HACE1: variants seen among roughly 807,000 people sequenced by gnomAD.
HACE1 encodes the protein HECT domain and ankyrin repeat containing E3 ubiquitin protein ligase 1.
Under a neutral mutation model 118.4 loss-of-function variants are expected in HACE1, and 73 were observed. The observed-to-expected ratio is 0.62, with a 90% confidence interval of 0.51 to 0.75. The LOEUF is 0.75. Among genes scored for constraint, HACE1 ranks in the 30% least tolerant of loss-of-function variants. The pLI, the probability that HACE1 is intolerant of heterozygous loss-of-function variation, is 0.00. For synonymous variants in HACE1, 368 were observed against 374.8 expected, an observed-to-expected ratio of 0.98 and a Z score of 0.21; for missense variants, 749 against 1,102.2, an observed-to-expected ratio of 0.68 and a Z score of 4.54.
In HACE1 at chr6:104,849,208, T is replaced by TTC; in HGVS notation, c.258_259dup (p.Lys87ArgfsTer29). 6.2e-7 allele frequency: 1 copy of TTC among 1,611,196 alleles called. No individual in the cohort carries two copies. Among genetic ancestry groups the TTC allele is most frequent in the Non-Finnish European group, 8.5e-7 (1 of 1,177,344 alleles). On this transcript the variant is annotated frameshift_variant, in exon 4 of 24. Transcript: ENST00000262903. LOFTEE classifies it high-confidence loss of function. ...ATCTTGATAGTTAGGATTTGCTCCTTTCTTTAACAGCAAAACCAAGCATTC... is the reference window on the plus strand; with the variant it reads ...ATCTTGATAGTTAGGATTTGCTCCTTTCTCTTTAACAGCAAAACCAAGCATTC...
At chr6:104,745,533 C>T (rs908197686) in intron 20 of HACE1, among the ~76,000 whole-genome samples, 1 of 147,980 alleles carries the variant, frequency 6.8e-6, no homozygotes, top group Non-Finnish European at 1.5e-5. Context: ...CTCCACCTCC[C>T]GGGTTCACGC....
At chr6:104,765,777 C>T (rs1184580105) in intron 19 of HACE1, among the ~76,000 whole-genome samples, 1 of 152,192 alleles carries the variant, frequency 6.6e-6, no homozygotes, top group Non-Finnish European at 1.5e-5. Context: ...TTTAAATACA[C>T]AATTGAGATC....
intron 19 of HACE1, among the ~76,000 whole-genome samples, chr6:104,762,947 G>A (rs1012219234): frequency 1.8e-4 from 24 of 133,752 alleles, no homozygotes; most frequent in Non-Finnish European, 3.2e-4. Flanking sequence ...CTGAGATCGC[G>A]CCACTGAACT....
intron 1 of HACE1, chr6:104,858,623 C>CA: frequency 4.6e-6 from 1 of 219,272 alleles, no homozygotes; most frequent in South Asian, 4.8e-5. Flanking sequence ...CCCTATCCTA[C>CA]AAACCACCCA....
intron 22 of HACE1, among the ~76,000 whole-genome samples, chr6:104,739,166 G>A (rs181288658): frequency 1.6e-4 from 24 of 152,238 alleles, no homozygotes; most frequent in African/African-American, 5.3e-4. Flanking sequence ...CCTGAAGGAA[G>A]CGCTAAACAT....
chr6:104,844,314 C>T (rs564447798), intron 4 of HACE1, among the ~76,000 whole-genome samples: 21 of 150,292 alleles, frequency 1.4e-4, no homozygotes, highest in East Asian at 5.9e-4. Flanking sequence ...GGATTACAGG[C>T]GTGAGTCACC....
intron 11 of HACE1, 76 bp downstream of exon 11, chr6:104,791,428 G>C: frequency 1.5e-6 from 2 of 1,309,756 alleles, no homozygotes; most frequent in Non-Finnish European, 2.2e-6. Context: ...TGAGCTTTCT[G>C]ATTAATGAAT....
intron 4 of HACE1, among the ~76,000 whole-genome samples, chr6:104,846,022 G>T (rs189500910): frequency 6.6e-6 from 1 of 152,300 alleles, no homozygotes; most frequent in East Asian, 1.9e-4. Context: ...TAAATCATTA[G>T]GTAGGAATGA....
intron 9 of HACE1, among the ~76,000 whole-genome samples, 155 bp downstream of exon 9, chr6:104,796,500 T>C (rs1412813149): frequency 6.6e-6 from 1 of 152,216 alleles, no homozygotes; most frequent in Non-Finnish European, 1.5e-5. Context: ...AATTATTATC[T>C]AATTCACACT....
chr6:104,729,983 T>G (rs147547875), intron 23 of HACE1, among the ~76,000 whole-genome samples: 44 of 152,270 alleles, frequency 2.9e-4, no homozygotes, highest in African/African-American at 1.1e-3. Flanking sequence ...ATACGTTCCT[T>G]TCAGCTTAAA....
intron 19 of HACE1, among the ~76,000 whole-genome samples, chr6:104,764,601 A>G (rs953478325): frequency 7.6e-6 from 1 of 132,236 alleles, no homozygotes; most frequent in African/African-American, 3.0e-5. Context: ...CATGTCATCT[A>G]TAGGCACTTC....
At chr6:104,850,831 T>G in intron 3 of HACE1, 76 bp downstream of exon 3, 1 of 904,932 alleles carries the variant, frequency 1.1e-6, no homozygotes, top group Non-Finnish European at 1.9e-6. Context: ...CCAGAAATAT[T>G]GTGTGATAAT....
intron 19 of HACE1, among the ~76,000 whole-genome samples, chr6:104,765,985 C>T (rs370658990): frequency 1.3e-5 from 2 of 152,130 alleles, no homozygotes; most frequent in African/African-American, 2.4e-5. Context: ...TTCTGTGCTA[C>T]GGATAAAGAC....
chr6:104,815,980 G>A (rs1772071159), intron 6 of HACE1, among the ~76,000 whole-genome samples: 1 of 151,906 alleles, frequency 6.6e-6, no homozygotes, highest in South Asian at 2.1e-4. Context: ...GGCTGAGGCA[G>A]GAGAATTGCT....
intron 6 of HACE1, among the ~76,000 whole-genome samples, 180 bp from the exon 7 acceptor site, chr6:104,811,573 G>T (rs56255081): frequency 0.034 from 5,131 of 152,058 alleles, 273 homozygotes; most frequent in African/African-American, 0.12. Context: ...AGCTCTAAGT[G>T]TCTCAGGCAC....
In HACE1 at chr6:104,852,296, AT is replaced by A. The variant is rs1480967787; in HGVS notation, c.131+20del. 2.5e-6 allele frequency: 4 copies of A among 1,593,908 alleles called. No homozygotes were observed. The highest frequency in any genetic ancestry group is 4.5e-5 in the East Asian group (2 of 44,760). On this transcript the variant is annotated intron_variant, in intron 2 of 23. Coordinates refer to ENST00000262903, the MANE Select transcript of HACE1 (RefSeq NM_020771.4). ...AATGTATGCTTCTTAAAAAGCAAAA[AT>A]TTTTGGAACAAGCACTCACCTGTGT... is the stretch of plus-strand genomic sequence containing the variant.
chr6:104,859,520 G>T, intron 1 of HACE1, 47 bp downstream of exon 1: 1 of 1,397,318 alleles, frequency 7.2e-7, no homozygotes, highest in Non-Finnish European at 9.5e-7. Context: ...CTGCCCCACT[G>T]GCCGCCCCCA....
At chr6:104,823,912 A>C (rs1773048018) in intron 6 of HACE1, among the ~76,000 whole-genome samples, 1 of 152,216 alleles carries the variant, frequency 6.6e-6, no homozygotes, top group South Asian at 2.1e-4. Flanking sequence ...TCACAGTTTT[A>C]AGAAACTCTC....
At chr6:104,758,998 C>T (rs1437370187) in intron 19 of HACE1, among the ~76,000 whole-genome samples, 1 of 152,116 alleles carries the variant, frequency 6.6e-6, no homozygotes, top group African/African-American at 2.4e-5. Flanking sequence ...ACAAGAAGAG[C>T]TAAATGACCT....
Sources: gnomAD v4.1 joint callset for allele counts (sites outside exome capture counted in the v4.1 genomes callset) on GRCh38, gnomAD v4.1.1 for gene constraint, MANE v1.5 for transcripts, NCBI Gene and HGNC (gene_info 2026-07-23, HGNC 2026-07-21) for gene names.